GPC6: variants seen among roughly 807,000 people sequenced by gnomAD.
The protein encoded by GPC6 is glypican-6.
A neutral mutation model predicts 55.2 loss-of-function variants in GPC6; 14 were observed. That is an observed-to-expected ratio of 0.25 (90% confidence interval 0.17 to 0.40). GPC6 has a LOEUF of 0.40. Ranked by LOEUF, GPC6 falls within the 10% of genes least tolerant of loss-of-function variation. GPC6 has a pLI of 1.00. For synonymous variants in GPC6, 278 were observed against 259.6 expected (o/e 1.07, Z -0.68); for missense variants, 641 against 708.5 (o/e 0.90, Z 1.08).
chr13:93,881,094 T>A (rs1874939709), intron 3 of GPC6, among the ~76,000 whole-genome samples: 1 of 152,032 alleles, frequency 6.6e-6, no homozygotes, highest in Admixed American at 6.6e-5. Context: ...CCTGGAACAA[T>A]CTTTTGGATT....
intron 1 of GPC6, among the ~76,000 whole-genome samples, chr13:93,363,204 T>C (rs998797171): frequency 2.5e-4 from 38 of 151,518 alleles, no homozygotes; most frequent in African/African-American, 8.7e-4. Flanking sequence ...TACATATGTA[T>C]ACATGTGCCA....
At chr13:93,646,597 T>C (rs1029791784) in intron 2 of GPC6, among the ~76,000 whole-genome samples, 11 of 152,144 alleles carry the variant, frequency 7.2e-5, no homozygotes, top group Non-Finnish European at 1.6e-4. Context: ...GCTATCAAAC[T>C]AAAATCCTCA....
chr13:93,453,880 A>G (rs1878325609), intron 1 of GPC6, among the ~76,000 whole-genome samples: 1 of 152,080 alleles, frequency 6.6e-6, no homozygotes, highest in South Asian at 2.1e-4. Flanking sequence ...ACAGTGTGGA[A>G]GGGGACCTGA....
intron 2 of GPC6, among the ~76,000 whole-genome samples, chr13:93,607,220 C>T (rs767169466): frequency 1.3e-5 from 2 of 152,274 alleles, no homozygotes; most frequent in East Asian, 3.9e-4. Context: ...ACAATGTCTA[C>T]TTTTATATGA....
At position 94,339,751 on chromosome 13, in the gene GPC6, C is replaced by CTT. The variant is rs56074677; in HGVS notation, c.1152+33656_1152+33657dup. 2.3e-3 allele frequency among the ~76,000 whole-genome samples: 149 copies of CTT among 63,824 alleles called. 8 individuals carry two copies. The highest frequency in any genetic ancestry group is 3.3e-3 in the African/African-American group (49 of 14,646). The allele number at this position is 63,824 out of a possible 152,430, so 41.9% of individuals were successfully genotyped here. A position where few individuals can be genotyped will look rare whatever the true frequency, so the allele number is the denominator to read the frequency against. ...TTAAGTCTGCAACCTGCATACTTTC[C>CTT]TTTTTTTTTTTTTTTTTTTTTTTTT... On this transcript the variant is annotated intron_variant, in intron 6 of 8. Coordinates refer to ENST00000377047, the MANE Select transcript of GPC6 (RefSeq NM_005708.5).
chr13:94,038,405 A>T (rs1883414414), intron 4 of GPC6, among the ~76,000 whole-genome samples: 1 of 151,908 alleles, frequency 6.6e-6, no homozygotes. Context: ...AATAAAAACC[A>T]CATAACCTGG....
At chr13:94,303,380 T>A (rs1875768650) in intron 5 of GPC6, among the ~76,000 whole-genome samples, 1 of 152,194 alleles carries the variant, frequency 6.6e-6, no homozygotes, top group Non-Finnish European at 1.5e-5. Context: ...GCAAGCCTCG[T>A]GTTTAAAGGT....
At chr13:94,000,462 A>G (rs1253921554) in intron 3 of GPC6, among the ~76,000 whole-genome samples, 1 of 152,224 alleles carries the variant, frequency 6.6e-6, no homozygotes, top group Non-Finnish European at 1.5e-5. Flanking sequence ...GGCAATGCTT[A>G]GAACTCATAG....
intron 2 of GPC6, among the ~76,000 whole-genome samples, chr13:93,563,661 G>C (rs1322466173): frequency 1.3e-5 from 2 of 151,832 alleles, no homozygotes; most frequent in Non-Finnish European, 2.9e-5. Context: ...AGCAAGTATA[G>C]CATTTGAAAG....
intron 1 of GPC6, among the ~76,000 whole-genome samples, chr13:93,284,489 G>A (rs1878048220): frequency 6.6e-6 from 1 of 152,104 alleles, no homozygotes; most frequent in South Asian, 2.1e-4. Flanking sequence ...TAGTCATTTG[G>A]TATTCTCTTT....
chr13:93,798,167 A>G (rs1362875204), intron 2 of GPC6, among the ~76,000 whole-genome samples: 1 of 152,188 alleles, frequency 6.6e-6, no homozygotes, highest in African/African-American at 2.4e-5. Context: ...CCTAAGTCAC[A>G]TAATGTCACA....
At chr13:93,909,591 A>G (rs377483148) in intron 3 of GPC6, among the ~76,000 whole-genome samples, 16 of 152,166 alleles carry the variant, frequency 1.1e-4, no homozygotes, top group East Asian at 9.6e-4. Context: ...TTATCCTTCT[A>G]TCTGATCAAG....
intron 1 of GPC6, among the ~76,000 whole-genome samples, chr13:93,365,155 G>A (rs149947595): frequency 5.3e-5 from 8 of 151,988 alleles, no homozygotes; most frequent in Admixed American, 1.3e-4. Context: ...TGGCTGATGC[G>A]TTCCCACAGT....
intron 2 of GPC6, among the ~76,000 whole-genome samples, chr13:93,743,823 T>C (rs1183600316): frequency 6.6e-6 from 1 of 152,186 alleles, no homozygotes; most frequent in Admixed American, 6.5e-5. Context: ...ATCCCTTGCT[T>C]TCATTGGTAT....
At chr13:94,285,395 C>G (rs910348533) in intron 4 of GPC6, among the ~76,000 whole-genome samples, 1 of 152,090 alleles carries the variant, frequency 6.6e-6, no homozygotes, top group African/African-American at 2.4e-5. Flanking sequence ...CAGAGTTCAA[C>G]GTGGAACAGA....
At chr13:93,708,303 C>T (rs768189995) in intron 2 of GPC6, among the ~76,000 whole-genome samples, 1 of 151,718 alleles carries the variant, frequency 6.6e-6, no homozygotes, top group Non-Finnish European at 1.5e-5. Flanking sequence ...TTTCAATGTA[C>T]TGGCATATCT....
intron 2 of GPC6, among the ~76,000 whole-genome samples, chr13:93,721,431 G>T (rs1012211558): frequency 1.3e-5 from 2 of 151,718 alleles, no homozygotes; most frequent in African/African-American, 4.8e-5. Flanking sequence ...GGGATGAATT[G>T]TTAGAATTTT....
intron 2 of GPC6, among the ~76,000 whole-genome samples, chr13:93,741,201 G>T (rs1047622735): frequency 2.4e-5 from 3 of 125,322 alleles, no homozygotes; most frequent in Non-Finnish European, 4.8e-5. Context: ...TGCAAGCTCC[G>T]CCTCCCAGGT....
At chr13:93,405,929 G>C (rs1239043257) in intron 1 of GPC6, among the ~76,000 whole-genome samples, 4 of 152,194 alleles carry the variant, frequency 2.6e-5, no homozygotes, top group African/African-American at 2.4e-5. Context: ...GAAAGTCCTA[G>C]AGGCCCCACT....
Sources: allele counts gnomAD v4.1 joint callset (sites outside exome capture counted in the v4.1 genomes callset), GRCh38; gene constraint gnomAD v4.1.1; transcripts MANE v1.5; gene names NCBI Gene and HGNC (gene_info 2026-07-23, HGNC 2026-07-21).